Variants in EBF1 observed in about 807,000 individuals in gnomAD.
EBF1 encodes transcription factor COE1.
Under a neutral mutation model 68.4 loss-of-function variants are expected in EBF1, and 10 were observed. That is an observed-to-expected ratio of 0.15 (90% confidence interval 0.09 to 0.25). The LOEUF (loss-of-function observed/expected upper bound fraction) is 0.25, where lower values mean the gene tolerates loss of function less well. EBF1 is among the 10% of genes least tolerant of loss of function. The pLI is 1.00. For missense variants in EBF1, 509 were observed against 794.4 expected (o/e 0.64, Z 4.32); for synonymous variants, 298 against 299.8 (o/e 0.99, Z 0.06).
chr5:158,838,106 T>C (rs943305720), intron 7 of EBF1, among the ~76,000 whole-genome samples: 16 of 152,060 alleles, frequency 1.1e-4, no homozygotes, highest in Non-Finnish European at 1.9e-4. Flanking sequence ...AACACCAAGT[T>C]TGAAGTCAGA....
intron 6 of EBF1, among the ~76,000 whole-genome samples, chr5:158,864,413 C>A (rs150513843): frequency 2.9e-3 from 440 of 152,154 alleles, no homozygotes; most frequent in Non-Finnish European, 5.4e-3. Context: ...TGCTCACAGA[C>A]TACGAGAATG....
At chr5:158,909,410 T>C (rs1203893000) in intron 6 of EBF1, among the ~76,000 whole-genome samples, 5 of 152,164 alleles carry the variant, frequency 3.3e-5, no homozygotes, top group African/African-American at 9.7e-5. Context: ...AAATAACCCA[T>C]GTTAACTAGA....
chr5:158,729,089 C>T (rs890537766), intron 11 of EBF1, among the ~76,000 whole-genome samples: 2 of 152,218 alleles, frequency 1.3e-5, no homozygotes, highest in African/African-American at 4.8e-5. Context: ...AAGCAAGGGT[C>T]CCATTCTCAC....
At chr5:158,899,260 C>T (rs1288811228) in intron 6 of EBF1, among the ~76,000 whole-genome samples, 2 of 152,112 alleles carry the variant, frequency 1.3e-5, no homozygotes, top group Admixed American at 6.5e-5. Context: ...TGAAAACAGG[C>T]CATGGCTAAA....
chr5:158,933,208 C>T (rs1188100911), intron 6 of EBF1, among the ~76,000 whole-genome samples: 1 of 151,522 alleles, frequency 6.6e-6, no homozygotes, highest in Non-Finnish European at 1.5e-5. Flanking sequence ...AAACTTTTTC[C>T]CAGAGACTGT....
At chr5:158,975,832 A>G (rs1450782130) in intron 6 of EBF1, among the ~76,000 whole-genome samples, 1 of 152,132 alleles carries the variant, frequency 6.6e-6, no homozygotes, top group Non-Finnish European at 1.5e-5. Context: ...TTCCTCAAAA[A>G]CTTTACCTGT....
intron 15 of EBF1, among the ~76,000 whole-genome samples, chr5:158,701,361 T>A (rs1756730126): frequency 6.8e-6 from 1 of 147,804 alleles, no homozygotes; most frequent in Non-Finnish European, 1.5e-5. Flanking sequence ...TGGCCAGAAT[T>A]AAAAAAAAAA....
intron 6 of EBF1, among the ~76,000 whole-genome samples, chr5:159,007,465 C>A (rs1336549095): frequency 2.6e-5 from 4 of 152,150 alleles, no homozygotes; most frequent in Non-Finnish European, 4.4e-5. Context: ...TTATTGTGTA[C>A]TACATAAGCA....
chr5:158,773,531 G>C (rs551523103), intron 10 of EBF1, among the ~76,000 whole-genome samples: 1 of 152,182 alleles, frequency 6.6e-6, no homozygotes, highest in South Asian at 2.1e-4. Context: ...CCAACTTTTG[G>C]GGGGTCAGGT....
chr5:158,809,256 A>G (rs745984238), intron 8 of EBF1, among the ~76,000 whole-genome samples: 1 of 152,184 alleles, frequency 6.6e-6, no homozygotes, highest in Non-Finnish European at 1.5e-5. Flanking sequence ...AGGCAAACAG[A>G]CCATGTTCCT....
rs138946955 is a variant in EBF1 at position 159,037,784 on chromosome 5, T to C, written c.554+35612A>G. On this transcript the variant is annotated intron_variant, in intron 6 of 15. Coordinates refer to ENST00000313708, the MANE Select transcript of EBF1 (RefSeq NM_024007.5). ...AACTAACCTGCACAATGTGCACATGTACTCTAAAACTTAAAGTATAATAAT... is the reference window on the plus strand; with the variant it reads ...AACTAACCTGCACAATGTGCACATGCACTCTAAAACTTAAAGTATAATAAT... Among the ~76,000 whole-genome samples the C allele has an allele frequency of 6.6e-3, 999 of 152,010 alleles. 21 individuals carry two copies. Among genetic ancestry groups the C allele is most frequent in the African/African-American group, 0.023 (961 of 41,434 alleles).
chr5:158,952,483 A>G lies in EBF1; in HGVS notation c.555-112373T>C, dbSNP rs1178009155. Among the ~76,000 whole-genome samples the G allele has an allele frequency of 2.0e-5, 3 of 152,214 alleles. No individual in the cohort carries two copies. In the South Asian group the frequency reaches 6.2e-4, roughly 32 times the overall value. On this transcript the variant is annotated intron_variant, in intron 6 of 15. Transcript: ENST00000313708. ...AAGAATCTTCTCCCCCTTGCACTAA[A>G]AACATAACTTCAGAGCCTGGTTTTT...
At position 158,731,030 on chromosome 5, in the gene EBF1, T is replaced by A. The variant is rs530360531; in HGVS notation, c.1125+39A>T. 1.6e-5 allele frequency: 26 copies of A among 1,589,392 alleles called. No individual in the cohort carries two copies. The Admixed American group carries it at 3.1e-4, about 19-fold the overall frequency. On this transcript the variant is annotated intron_variant, in intron 11 of 15. Coordinates refer to ENST00000313708, the MANE Select transcript of EBF1 (RefSeq NM_024007.5). ...CAGAGTTTTCTGCAAATCGCTCAAGTCCAAATTTTCAGGAATTACAAAAAG... is the reference window on the plus strand; with the variant it reads ...CAGAGTTTTCTGCAAATCGCTCAAGACCAAATTTTCAGGAATTACAAAAAG...
At chr5:159,042,101 T>C (rs1771318818) in intron 6 of EBF1, among the ~76,000 whole-genome samples, 1 of 152,182 alleles carries the variant, frequency 6.6e-6, no homozygotes, top group African/African-American at 2.4e-5. Flanking sequence ...CTTTTTCCCA[T>C]GCAAAAAAGC....
intron 11 of EBF1, among the ~76,000 whole-genome samples, chr5:158,715,232 A>G (rs1172773123): frequency 6.6e-6 from 1 of 152,216 alleles, no homozygotes; most frequent in African/African-American, 2.4e-5. Context: ...GTAAAGTTTC[A>G]AACAGAAGTG....
At chr5:158,961,722 A>G (rs979234776) in intron 6 of EBF1, among the ~76,000 whole-genome samples, 1 of 152,244 alleles carries the variant, frequency 6.6e-6, no homozygotes, top group Admixed American at 6.5e-5. Flanking sequence ...TTTTCTAAAA[A>G]ATAAAAATCA....
chr5:159,067,014 T>C (rs927629518), intron 6 of EBF1, among the ~76,000 whole-genome samples: 2 of 152,142 alleles, frequency 1.3e-5, no homozygotes, highest in African/African-American at 2.4e-5. Flanking sequence ...CAAAATACCA[T>C]CTCTTTACGC....
At chr5:158,783,781 T>C (rs1277008446) in intron 9 of EBF1, among the ~76,000 whole-genome samples, 2 of 152,182 alleles carry the variant, frequency 1.3e-5, no homozygotes, top group African/African-American at 4.8e-5. Context: ...GGGCCTCTCC[T>C]TGACAGAAGA....
chr5:159,074,068 A>G (rs943414607), intron 5 of EBF1, among the ~76,000 whole-genome samples: 6 of 152,222 alleles, frequency 3.9e-5, no homozygotes, highest in Admixed American at 2.6e-4. Flanking sequence ...GCAAGATAAA[A>G]GAAAGTGGAG....
Sources: gnomAD v4.1 joint callset for allele counts (sites outside exome capture counted in the v4.1 genomes callset) on GRCh38, gnomAD v4.1.1 for gene constraint, MANE v1.5 for transcripts, NCBI Gene and HGNC (gene_info 2026-07-23, HGNC 2026-07-21) for gene names.